CCNF: variants seen among roughly 807,000 people sequenced by gnomAD.
The protein encoded by CCNF is cyclin F.
Under a neutral mutation model 85.4 loss-of-function variants are expected in CCNF, and 30 were observed. That is an observed-to-expected ratio of 0.35 (90% CI 0.26 to 0.48). The LOEUF (loss-of-function observed/expected upper bound fraction) is 0.48. Ranked by LOEUF, CCNF falls within the 20% of genes least tolerant of loss-of-function variation. The pLI, the probability that CCNF is intolerant of heterozygous loss-of-function variation, is 0.99. For synonymous variants in CCNF, 439 were observed against 425.1 expected (o/e 1.03, Z -0.40); for missense variants, 919 against 1,010.4 (o/e 0.91, Z 1.23).
rs1191000898 is a variant in CCNF at position 2,452,793 on chromosome 16, G to T, written c.1488-417G>T. 13 of 218,000 alleles carry T rather than the reference G, an allele frequency of 6.0e-5. 1 individual carries two copies. Among genetic ancestry groups the T allele is most frequent in the Non-Finnish European group, 9.3e-6 (1 of 107,366 alleles). 13.5% of individuals were successfully genotyped at this position (218,000 alleles called of 1,614,324 possible). On this transcript the variant is annotated intron_variant, in intron 13 of 16. Transcript: ENST00000397066. The surrounding 1 kb of genome is among the most constrained non-coding windows in gnomAD (Gnocchi z 4.1). ...ACATTCCATATAAATGGCGTCATCG[G>T]ACAAGTGGCCTTCTGTGTCTAGGTG...
chr16:2,435,644 C>CAT (rs1462905126), intron 3 of CCNF, among the ~76,000 whole-genome samples, 162 bp from the exon 4 acceptor site: 2 of 18,872 alleles, frequency 1.1e-4, no homozygotes, highest in Non-Finnish European at 8.4e-5. Flanking sequence ...TATGCACACA[C>CAT]ATATATATAT....
In CCNF at chr16:2,439,443, G is replaced by T. The variant is rs753372697; in HGVS notation, c.685G>T (p.Asp229Tyr). The T allele has an allele frequency of 6.2e-7, 1 of 1,608,542 alleles. No homozygotes were observed. Among genetic ancestry groups the T allele is most frequent in the Non-Finnish European group, 8.5e-7 (1 of 1,177,256 alleles). ...LTSSYLLWESDRRTDVSDPGR... is the reference protein window; with the variant it reads ...LTSSYLLWESYRRTDVSDPGR... ...CAGCTCCTACCTCCTCTGGGAAAGC[G>T]ACAGGAGGACAGATGTGAGTGGTGC... The change falls in exon 7 of 17, where the codon GAC becomes TAC. Residue 229 changes from aspartate to tyrosine, a missense_variant. Around this residue, in one of 3 missense-constraint regions of CCNF, gnomAD observed 410 missense variants for 478.6 expected, o/e 0.86. Transcript: ENST00000397066.
At chr16:2,442,827 GTAA>G (rs1207722754) in intron 8 of CCNF, among the ~76,000 whole-genome samples, 3 of 71,484 alleles carry the variant, frequency 4.2e-5, no homozygotes, top group Admixed American at 2.6e-4. Flanking sequence ...TATAATATAT[GTAA>G]TATTATATTC....
intron 13 of CCNF, among the ~76,000 whole-genome samples, chr16:2,450,459 C>T (rs569102700): frequency 1.4e-4 from 21 of 151,202 alleles, no homozygotes; most frequent in African/African-American, 4.6e-4. Flanking sequence ...TGCGGTGAGC[C>T]GAGATTGCGC....
At position 2,455,507 on chromosome 16, in the gene CCNF, G is replaced by C. The variant is rs1360489867; in HGVS notation, c.1828G>C (p.Asp610His). ...GGGCAGCTTCCTCGACTGGAGCCTG[G>C]ACTGCTGCTCTGGCTATGAAGGCGA... ...LLGSFLDWSL[D>H]CCSGYEGDQE... Residue 610 changes from aspartate to histidine, a missense_variant, in exon 16 of 17, where the codon GAC becomes CAC. Coordinates refer to ENST00000397066, the MANE Select transcript of CCNF (RefSeq NM_001761.3). 5 of 1,607,088 alleles carry C rather than the reference G, an allele frequency of 3.1e-6. No individual in the cohort carries two copies. In the South Asian group the frequency reaches 5.5e-5, roughly 18 times the overall value.
At chr16:2,435,152 G>C (rs1196095744) in intron 3 of CCNF, among the ~76,000 whole-genome samples, 2 of 151,136 alleles carry the variant, frequency 1.3e-5, no homozygotes, top group Admixed American at 1.3e-4. Context: ...TCGGGAGGCT[G>C]AGGCAGGAGA....
At chr16:2,433,102 C>T (rs1484683235) in intron 3 of CCNF, 35 bp downstream of exon 3, 1 of 1,348,966 alleles carries the variant, frequency 7.4e-7, no homozygotes, top group East Asian at 2.4e-5. Flanking sequence ...TCAGTCTTCT[C>T]CTGCCTTGGC....
chr16:2,449,961 C>A (rs752981606), intron 13 of CCNF, 46 bp downstream of exon 13: 2 of 1,348,358 alleles, frequency 1.5e-6, no homozygotes, highest in Non-Finnish European at 2.1e-6. Flanking sequence ...AACCCCAGCA[C>A]TTTGGGAGGC....
Position 2,458,303 on chromosome 16 carries a change from G to C in CCNF, c.*1283G>C, listed in dbSNP as rs2065442693. 1 of 150,456 alleles carries C rather than the reference G, an allele frequency of 6.6e-6. No individual in the cohort carries two copies. 9.3% of individuals were successfully genotyped at this position (150,456 alleles called of 1,614,324 possible). A position where few individuals can be genotyped will look rare whatever the true frequency, so the allele number is the denominator to read the frequency against. ...AGTTTTGCTCTTGTCTCCCCGGCTG[G>C]AGTGCAGTGGCATGATCTCAACTCT... On this transcript the variant is annotated 3_prime_UTR_variant, in exon 17 of 17. Coordinates refer to ENST00000397066, the MANE Select transcript of CCNF (RefSeq NM_001761.3).
rs1225399856 is a variant in CCNF at position 2,453,376 on chromosome 16, G to GCCTC, written c.1588-33_1588-30dup. The GCCTC allele has an allele frequency of 6.2e-7, 1 of 1,613,724 alleles. No homozygotes were observed. Among genetic ancestry groups the GCCTC allele is most frequent in the South Asian group, 1.1e-5 (1 of 91,082 alleles). On this transcript the variant is annotated intron_variant, in intron 14 of 16. Transcript: ENST00000397066. The surrounding 1 kb of genome is among the most constrained non-coding windows in gnomAD (Gnocchi z 5.6). ...GGTGTGGGCGGGCCTCACCCTCGGGGCCTCTGCACCCCCTAACTCTAGCTT... is the reference window on the plus strand; with the variant it reads ...GGTGTGGGCGGGCCTCACCCTCGGGGCCTCCCTCTGCACCCCCTAACTCTAGCTT...
In CCNF at chr16:2,458,451, TG is replaced by T. The variant is rs1415300736; in HGVS notation, c.*1432del. The T allele has an allele frequency of 6.6e-6, 1 of 152,152 alleles. No individual in the cohort carries two copies. Among genetic ancestry groups the T allele is most frequent in the Non-Finnish European group, 1.5e-5 (1 of 68,050 alleles). The allele number at this position is 152,152 out of a possible 1,614,324, so 9.4% of individuals were successfully genotyped here. ...TTTCGGTAGAGACGGGATTTCACCA[TG>T]TTGGCCAGGCTAGTCTCGAACTCAT... On this transcript the variant is annotated 3_prime_UTR_variant, in exon 17 of 17. Coordinates refer to ENST00000397066, the MANE Select transcript of CCNF (RefSeq NM_001761.3).
chr16:2,432,463 T>C (rs1173458901), intron 2 of CCNF, among the ~76,000 whole-genome samples: 1 of 152,158 alleles, frequency 6.6e-6, no homozygotes, highest in African/African-American at 2.4e-5. Context: ...TCACCTGTGC[T>C]CCAGGTCCTG....
chr16:2,435,233 A>G (rs1173578766), intron 3 of CCNF, among the ~76,000 whole-genome samples: 1 of 148,574 alleles, frequency 6.7e-6, no homozygotes, highest in Non-Finnish European at 1.5e-5. Context: ...CCTGGGCAAC[A>G]GAGCAGACTC....
At chr16:2,435,031 G>A (rs2065281027) in intron 3 of CCNF, among the ~76,000 whole-genome samples, 1 of 152,048 alleles carries the variant, frequency 6.6e-6, no homozygotes, top group South Asian at 2.1e-4. Flanking sequence ...GAGGCGGGTG[G>A]ATCATGAGAT....
intron 10 of CCNF, among the ~76,000 whole-genome samples, chr16:2,448,416 T>C (rs974875338): frequency 7.9e-5 from 12 of 152,130 alleles, no homozygotes; most frequent in African/African-American, 2.4e-4. Flanking sequence ...ATTATGATGA[T>C]TATTTTTTGA....
In CCNF at chr16:2,456,781, G is replaced by A. The variant is rs754766175; in HGVS notation, c.2122G>A (p.Ala708Thr). The A allele has an allele frequency of 1.4e-5, 22 of 1,613,388 alleles. No individual in the cohort carries two copies. The highest frequency in any genetic ancestry group is 1.9e-5 in the Non-Finnish European group (22 of 1,179,762). The change falls in exon 17 of 17, where the codon GCA becomes ACA. Residue 708 changes from alanine (A) to threonine (T), a missense_variant. This residue lies in a region of CCNF where 505 missense variants were observed against 514.8 expected (regional missense o/e 0.98). Coordinates refer to ENST00000397066, the MANE Select transcript of CCNF (RefSeq NM_001761.3). This position sits in a 1 kb window ranked among gnomAD's most constrained non-coding sequence, Gnocchi z 4.5. ...TTSGYSSVST[A>T]SPTSSVDGGL... is the part of the protein sequence containing the mutation. Reference sequence around the variant, plus strand: ...CTCAGGGTACTCCTCCGTCAGCACCGCAAGTCCCACAAGCTCCGTGGACGG... The same window carrying A: ...CTCAGGGTACTCCTCCGTCAGCACCACAAGTCCCACAAGCTCCGTGGACGG...
In CCNF at chr16:2,452,224, T is replaced by C. The variant is rs1006383532; in HGVS notation, c.1488-986T>C. ...GATCAGAACTCCCTGGGGGTCTCGATGCCCTTGAGCAGCCCCTTCTGTGGC... is the reference window on the plus strand; with the variant it reads ...GATCAGAACTCCCTGGGGGTCTCGACGCCCTTGAGCAGCCCCTTCTGTGGC... On this transcript the variant is annotated intron_variant, in intron 13 of 16. Transcript: ENST00000397066. This position sits in a 1 kb window ranked among gnomAD's most constrained non-coding sequence, Gnocchi z 4.1. Among the ~76,000 whole-genome samples, 1 of 152,226 alleles carries C rather than the reference T, an allele frequency of 6.6e-6. No individual in the cohort carries two copies. Among genetic ancestry groups the C allele is most frequent in the African/African-American group, 2.4e-5 (1 of 41,462 alleles).
At chr16:2,449,539 A>T in intron 12 of CCNF, 77 bp downstream of exon 12, 2 of 1,412,390 alleles carry the variant, frequency 1.4e-6, no homozygotes, top group Non-Finnish European at 9.6e-7. Context: ...GGAGGAAAAG[A>T]GTCCAGCATC....
rs2065334676 is a variant in CCNF, at chr16:2,442,692, TATA to T, written c.778-951_778-949del. On this transcript the variant is annotated intron_variant, in intron 8 of 16. Coordinates refer to ENST00000397066, the MANE Select transcript of CCNF (RefSeq NM_001761.3). ...TATTATATATAATATCATATTATTA[TATA>T]ATAATTATATATAAATATGTATTTA... Among the ~76,000 whole-genome samples, 2 of 21,824 alleles carry T rather than the reference TATA, an allele frequency of 9.2e-5. 1 individual carries two copies. The highest frequency in any genetic ancestry group is 1.2e-3 in the African/African-American group (2 of 1,696). The allele number at this position is 21,824 out of a possible 152,430, so 14.3% of individuals were successfully genotyped here.
Sources: gnomAD v4.1 joint callset for allele counts (sites outside exome capture counted in the v4.1 genomes callset) on GRCh38, gnomAD v4.1.1 for gene constraint, gnomAD v4.1.1 regional missense constraint, Gnocchi (gnomAD v3.1) non-coding constraint, MANE v1.5 for transcripts, NCBI Gene and HGNC (gene_info 2026-07-23, HGNC 2026-07-21) for gene names.